The following ADGRL3 variants were observed in gnomAD, a reference collection of about 807,000 sequenced individuals.
ADGRL3 encodes calcium-independent alpha-latrotoxin receptor 3.
A neutral mutation model predicts 153.5 loss-of-function variants in ADGRL3; 62 were observed. The ratio of observed to expected loss-of-function variants is 0.40; its 90% CI spans 0.33 to 0.50. ADGRL3 has a LOEUF of 0.50. Among genes scored for constraint, ADGRL3 ranks in the 20% least tolerant of loss-of-function variants. The pLI is 0.47. For missense variants in ADGRL3, 1,641 were observed against 1,859.4 expected (o/e 0.88, Z 2.16); for synonymous variants, 710 against 672.5 (o/e 1.06, Z -0.86).
At chr4:61,749,699 G>T (rs1028129456) in intron 8 of ADGRL3, among the ~76,000 whole-genome samples, 39 of 151,914 alleles carry the variant, frequency 2.6e-4, no homozygotes, top group Non-Finnish European at 5.9e-5. Flanking sequence ...TCACACTCTC[G>T]GGACTGTTGT....
chr4:61,626,982 T>A (rs983090900), intron 5 of ADGRL3, among the ~76,000 whole-genome samples: 1 of 152,114 alleles, frequency 6.6e-6, no homozygotes, highest in Non-Finnish European at 1.5e-5. Context: ...ATAATTGTTG[T>A]TTTTGCCATT....
intron 25 of ADGRL3, among the ~76,000 whole-genome samples, chr4:62,045,626 G>A (rs1423059756): frequency 6.6e-6 from 1 of 151,908 alleles, no homozygotes; most frequent in Non-Finnish European, 1.5e-5. Flanking sequence ...ATATGAAGAA[G>A]TTAGAACGGG....
chr4:61,647,048 G>A (rs775928719), intron 5 of ADGRL3, among the ~76,000 whole-genome samples: 1 of 152,228 alleles, frequency 6.6e-6, no homozygotes, highest in African/African-American at 2.4e-5. Flanking sequence ...TCCAGGTGCC[G>A]TCCATCACCC....
chr4:61,205,990 G>A (rs1315365054), intron 1 of ADGRL3, among the ~76,000 whole-genome samples: 2 of 152,120 alleles, frequency 1.3e-5, no homozygotes, highest in Admixed American at 6.6e-5. Flanking sequence ...TGTGACATGT[G>A]CTTATGGATT....
Position 61,548,423 on chromosome 4 carries a change from T to A in ADGRL3, c.259+30905T>A, listed in dbSNP as rs138856751. On this transcript the variant is annotated intron_variant, in intron 4 of 26. Coordinates refer to ENST00000683033, the MANE Select transcript of ADGRL3 (RefSeq NM_001387552.1). ...GTTTTTATAGTTTTAGGTTTTACAT[T>A]TGAGCCTTTAATCCATCTTTAGTTG... Among the ~76,000 whole-genome samples, 181 of 152,276 alleles carry A rather than the reference T, an allele frequency of 1.2e-3. 1 individual carries two copies. Among genetic ancestry groups the A allele is most frequent in the African/African-American group, 4.2e-3 (176 of 41,568 alleles).
chr4:62,007,395 C>CACGT (rs369431931), intron 21 of ADGRL3, among the ~76,000 whole-genome samples: 2 of 76,434 alleles, frequency 2.6e-5, no homozygotes, highest in African/African-American at 5.3e-5. Flanking sequence ...CACACACACA[C>CACGT]ATATATATAT....
chr4:61,279,359 T>C (rs536429398), intron 1 of ADGRL3, among the ~76,000 whole-genome samples: 5 of 152,328 alleles, frequency 3.3e-5, no homozygotes, highest in African/African-American at 1.2e-4. Context: ...TGCTAGGTTC[T>C]CTGAATAAGA....
intron 6 of ADGRL3, among the ~76,000 whole-genome samples, chr4:61,694,949 G>A (rs886423802): frequency 3.3e-5 from 5 of 152,060 alleles, no homozygotes; most frequent in East Asian, 1.9e-4. Context: ...GCAACTCCTC[G>A]TGTTCAGTTT....
At chr4:61,746,546 A>C (rs2151987328) in intron 8 of ADGRL3, among the ~76,000 whole-genome samples, 1 of 152,330 alleles carries the variant, frequency 6.6e-6, no homozygotes, top group Non-Finnish European at 1.5e-5. Flanking sequence ...ACTCAGGATT[A>C]AGAAACTCAC....
chr4:61,600,257 G>A lies in ADGRL3; in HGVS notation c.473+12817G>A, dbSNP rs898448443. The stretch of plus-strand genomic sequence containing the variant: ...TGGGAGGCAGAGGTTGCAGTGAGCC[G>A]AGATCACTCCACTGCACTCCAGCCT... On this transcript the variant is annotated intron_variant, in intron 5 of 26. Transcript: ENST00000683033. Among the ~76,000 whole-genome samples the A allele has an allele frequency of 5.1e-5, 6 of 118,154 alleles. 1 individual carries two copies. In the Admixed American group the frequency reaches 7.5e-4, roughly 15 times the overall value. The allele number at this position is 118,154 out of a possible 152,430, so 77.5% of individuals were successfully genotyped here. A position where few individuals can be genotyped will look rare whatever the true frequency, so the allele number is the denominator to read the frequency against.
At chr4:61,204,704 G>A (rs1001949363) in intron 1 of ADGRL3, among the ~76,000 whole-genome samples, 16 of 152,156 alleles carry the variant, frequency 1.1e-4, no homozygotes, top group Admixed American at 3.9e-4. Context: ...CAAAATCAGG[G>A]TAGGAGGAAT....
At chr4:61,645,656 C>A (rs547723669) in intron 5 of ADGRL3, among the ~76,000 whole-genome samples, 73 of 152,322 alleles carry the variant, frequency 4.8e-4, no homozygotes, top group African/African-American at 1.7e-3. Flanking sequence ...GAGAGATCCA[C>A]TGTTAGTCTG....
intron 2 of ADGRL3, among the ~76,000 whole-genome samples, chr4:61,492,641 A>C (rs2098270440): frequency 6.6e-6 from 1 of 152,138 alleles, no homozygotes; most frequent in Non-Finnish European, 1.5e-5. Context: ...AAATAAAATC[A>C]ATGTCTCCCA....
At chr4:61,973,122 C>T (rs971910480) in intron 17 of ADGRL3, among the ~76,000 whole-genome samples, 3 of 151,738 alleles carry the variant, frequency 2.0e-5, no homozygotes, top group Non-Finnish European at 2.9e-5. Flanking sequence ...CTCTCTATCT[C>T]GTTTGCTGAC....
At chr4:61,401,186 TTTTA>T (rs1578654669) in intron 2 of ADGRL3, among the ~76,000 whole-genome samples, 1 of 151,866 alleles carries the variant, frequency 6.6e-6, no homozygotes, top group East Asian at 1.9e-4. Flanking sequence ...AAACTTTCAT[TTTTA>T]TTAAGTTAAT....
chr4:62,036,867 G>A (rs1168059068), intron 23 of ADGRL3, among the ~76,000 whole-genome samples: 1 of 151,786 alleles, frequency 6.6e-6, no homozygotes, highest in African/African-American at 2.4e-5. Context: ...GGCAGTTACT[G>A]TTTATTTTTA....
At chr4:61,818,184 G>A (rs1047248118) in intron 9 of ADGRL3, among the ~76,000 whole-genome samples, 3 of 152,132 alleles carry the variant, frequency 2.0e-5, no homozygotes, top group Non-Finnish European at 4.4e-5. Flanking sequence ...TATAATGGGG[G>A]TAGAGGCAGT....
chr4:61,452,086 C>A (rs1369279393), intron 2 of ADGRL3, among the ~76,000 whole-genome samples: 2 of 141,048 alleles, frequency 1.4e-5, no homozygotes, highest in Non-Finnish European at 3.2e-5. Context: ...TGGAGTGTGG[C>A]TGCTTGGGCT....
In ADGRL3 at chr4:61,456,375, CTATATATATA is replaced by C. The variant is rs558941032; in HGVS notation, c.-173-40741_-173-40732del. Among the ~76,000 whole-genome samples the C allele has an allele frequency of 2.5e-4, 28 of 110,170 alleles. 1 individual carries two copies. In the South Asian group the frequency reaches 4.1e-3, roughly 16 times the overall value. The allele number at this position is 110,170 out of a possible 152,430, so 72.3% of individuals were successfully genotyped here. On this transcript the variant is annotated intron_variant, in intron 2 of 26. Transcript: ENST00000683033. ...GATATATATAGAGATATAGATATAT[CTATATATATA>C]TATAGATATATCTATATCTATATAT... is the stretch of plus-strand genomic sequence containing the variant.
Sources: allele counts gnomAD v4.1 joint callset (sites outside exome capture counted in the v4.1 genomes callset), GRCh38; gene constraint gnomAD v4.1.1; transcripts MANE v1.5; gene names NCBI Gene and HGNC (gene_info 2026-07-23, HGNC 2026-07-21).